The following GRM7 variants were observed in gnomAD, a reference collection of about 807,000 sequenced individuals.
GRM7 encodes the protein glutamate metabotropic receptor 7.
In GRM7, 35 loss-of-function variants were observed where a neutral mutation model predicts 84.5. That is an observed-to-expected ratio of 0.41 (90% confidence interval 0.32 to 0.55). The LOEUF is 0.55. Ranked by LOEUF, GRM7 falls within the 20% of genes least tolerant of loss-of-function variation. The pLI, the probability that GRM7 is intolerant of heterozygous loss-of-function variation, is 0.19. For missense variants in GRM7, 1,003 were observed against 1,194.6 expected, an observed-to-expected ratio of 0.84 and a Z score of 2.36; for synonymous variants, 487 against 455.1, an observed-to-expected ratio of 1.07 and a Z score of -0.89.
Position 7,354,508 on chromosome 3 carries a change from A to T in GRM7, c.1033+47856A>T, listed in dbSNP as rs73809072. Among the ~76,000 whole-genome samples, 488 of 152,268 alleles carry T rather than the reference A, an allele frequency of 3.2e-3. 2 individuals are homozygous for T. The highest frequency in any genetic ancestry group is 0.011 in the African/African-American group (464 of 41,582). ...GTTATAATGGAAAAGGCCAAATGGA[A>T]GCCATTAGAGCTGCTTCTGCTTAGG... On this transcript the variant is annotated intron_variant, in intron 4 of 9. Transcript: ENST00000357716.
chr3:7,402,533 A>G (rs905598301), intron 4 of GRM7, among the ~76,000 whole-genome samples: 5 of 152,162 alleles, frequency 3.3e-5, no homozygotes, highest in South Asian at 4.1e-4. Context: ...ACTTCTGCAC[A>G]TATGATGTCT....
chr3:7,526,324 T>C (rs997692596), intron 7 of GRM7, among the ~76,000 whole-genome samples: 3 of 151,454 alleles, frequency 2.0e-5, no homozygotes, highest in Admixed American at 6.6e-5. Flanking sequence ...CCTGTACTTA[T>C]TGGCTGCTTG....
At chr3:7,003,405 T>G (rs1695078616) in intron 1 of GRM7, among the ~76,000 whole-genome samples, 1 of 147,500 alleles carries the variant, frequency 6.8e-6, no homozygotes, top group East Asian at 1.9e-4. Context: ...AATAGGTATT[T>G]TTTTGTAAAA....
intron 1 of GRM7, among the ~76,000 whole-genome samples, chr3:6,965,811 T>A (rs1693492333): frequency 6.6e-6 from 1 of 152,186 alleles, no homozygotes; most frequent in Non-Finnish European, 1.5e-5. Context: ...ATGAGCAAGG[T>A]TCTGCTCGCA....
At chr3:7,513,051 C>T (rs1272876986) in intron 7 of GRM7, among the ~76,000 whole-genome samples, 1 of 152,124 alleles carries the variant, frequency 6.6e-6, no homozygotes, top group Non-Finnish European at 1.5e-5. Context: ...AATAAATGAG[C>T]CCAGGGAGTA....
intron 5 of GRM7, among the ~76,000 whole-genome samples, chr3:7,424,790 G>A (rs1696538003): frequency 1.3e-5 from 2 of 152,156 alleles, no homozygotes; most frequent in South Asian, 4.1e-4. Flanking sequence ...AAAACCAAAA[G>A]CAGATATGGA....
intron 1 of GRM7, among the ~76,000 whole-genome samples, chr3:6,933,836 A>G (rs1697593254): frequency 6.6e-6 from 1 of 152,144 alleles, no homozygotes; most frequent in South Asian, 2.1e-4. Context: ...TCAGGAAAGA[A>G]TAAACCAGAA....
intron 4 of GRM7, among the ~76,000 whole-genome samples, chr3:7,362,341 T>TAC (rs35321936): frequency 0.4 from 59,489 of 147,772 alleles, 11,877 homozygotes; most frequent in East Asian, 0.56. Flanking sequence ...TTTTAAAGAA[T>TAC]ACACACACAC....
At position 7,578,383 on chromosome 3, in the gene GRM7, G is replaced by T. The variant is rs374445200; in HGVS notation, c.1516-39G>T. ...GGTGTTCTTTTTCTATTCTCTTGAA[G>T]AATCTGCCTGATTCACCTTCTTATT... On this transcript the variant is annotated intron_variant, in intron 7 of 9. Transcript: ENST00000357716. The T allele has an allele frequency of 2.2e-6, 3 of 1,368,698 alleles. No homozygotes were observed. The African/African-American group carries it at 4.3e-5, about 20-fold the overall frequency. 84.8% of individuals were successfully genotyped at this position (1,368,698 alleles called of 1,614,324 possible). A position where few individuals can be genotyped will look rare whatever the true frequency, so the allele number is the denominator to read the frequency against.
intron 4 of GRM7, among the ~76,000 whole-genome samples, chr3:7,307,840 A>C (rs531154009): frequency 1.2e-4 from 18 of 152,288 alleles, no homozygotes; most frequent in Admixed American, 4.6e-4. Flanking sequence ...AGTCAGGAAA[A>C]CAAAAGATGA....
At position 7,374,732 on chromosome 3, in the gene GRM7, C is replaced by T. The variant is rs187846376; in HGVS notation, c.1034-40291C>T. On this transcript the variant is annotated intron_variant, in intron 4 of 9. Coordinates refer to ENST00000357716, the MANE Select transcript of GRM7 (RefSeq NM_000844.4). ...TCTCGAACTCCTAACCTCAGGTGATCCGCCTGCCTCGGCCTCCCAAAGTGC... is the reference window on the plus strand; with the variant it reads ...TCTCGAACTCCTAACCTCAGGTGATTCGCCTGCCTCGGCCTCCCAAAGTGC... 5.3e-5 allele frequency among the ~76,000 whole-genome samples: 8 copies of T among 150,968 alleles called. No individual in the cohort carries two copies. In the Admixed American group the frequency reaches 5.3e-4, roughly 10 times the overall value.
chr3:7,396,315 A>C (rs1575273245), intron 4 of GRM7, among the ~76,000 whole-genome samples: 1 of 152,168 alleles, frequency 6.6e-6, no homozygotes, highest in East Asian at 1.9e-4. Context: ...AAAAAGGTGA[A>C]TCTGAAGAGA....
intron 9 of GRM7, among the ~76,000 whole-genome samples, chr3:7,703,348 C>T (rs1282108655): frequency 2.0e-5 from 3 of 152,160 alleles, no homozygotes; most frequent in Non-Finnish European, 2.9e-5. Context: ...ATGCATGCTA[C>T]TGTAAGTTCT....
intron 1 of GRM7, among the ~76,000 whole-genome samples, chr3:7,053,932 CTG>C (rs1461382391): frequency 1.3e-5 from 2 of 150,890 alleles, no homozygotes; most frequent in Non-Finnish European, 3.0e-5. Context: ...TATAATAAAT[CTG>C]TAAATCATAC....
intron 4 of GRM7, among the ~76,000 whole-genome samples, chr3:7,332,560 A>T (rs1368052078): frequency 6.6e-6 from 1 of 152,200 alleles, no homozygotes; most frequent in Non-Finnish European, 1.5e-5. Flanking sequence ...AAGTCTTGAA[A>T]GATCTTTTCC....
At chr3:6,914,912 CACA>C (rs1559326172) in intron 1 of GRM7, among the ~76,000 whole-genome samples, 1 of 152,116 alleles carries the variant, frequency 6.6e-6, no homozygotes, top group African/African-American at 2.4e-5. Flanking sequence ...TCGTTCTTTG[CACA>C]ACATTATTTG....
Position 6,875,831 on chromosome 3 carries a change from A to T in GRM7, c.519+13924A>T, listed in dbSNP as rs577916643. 1.5e-4 allele frequency among the ~76,000 whole-genome samples: 23 copies of T among 152,300 alleles called. 1 individual carries two copies. The highest frequency in any genetic ancestry group is 5.1e-4 in the African/African-American group (21 of 41,554). ...TAACATAAAGAACTGGAGTTCTCTC[A>T]TATTTTTGCAGAACTCATTAATTGT... is the stretch of plus-strand genomic sequence containing the variant. On this transcript the variant is annotated intron_variant, in intron 1 of 9. Transcript: ENST00000357716.
intron 2 of GRM7, among the ~76,000 whole-genome samples, chr3:7,251,784 A>G (rs1225025656): frequency 1.3e-5 from 2 of 152,186 alleles, no homozygotes; most frequent in African/African-American, 4.8e-5. Flanking sequence ...GACTCCCCCA[A>G]AATGTTCTCT....
At chr3:7,497,780 C>T (rs906882777) in intron 7 of GRM7, among the ~76,000 whole-genome samples, 2 of 152,152 alleles carry the variant, frequency 1.3e-5, no homozygotes, top group African/African-American at 4.8e-5. Flanking sequence ...TTTATTAGCT[C>T]TGTAGCCTGG....
Sources: allele counts gnomAD v4.1 joint callset (sites outside exome capture counted in the v4.1 genomes callset), GRCh38; gene constraint gnomAD v4.1.1; transcripts MANE v1.5; gene names NCBI Gene and HGNC (gene_info 2026-07-23, HGNC 2026-07-21).